Variants in USP49 observed in about 807,000 individuals in gnomAD.
USP49 encodes ubiquitin carboxyl-terminal hydrolase 49.
In USP49, 24 loss-of-function variants were observed where a neutral mutation model predicts 58.6. That is an observed-to-expected ratio of 0.41 (90% CI 0.30 to 0.58). The LOEUF (loss-of-function observed/expected upper bound fraction) is 0.58. Among genes scored for constraint, USP49 ranks in the 20% least tolerant of loss-of-function variants. USP49 has a pLI of 0.30. For missense variants in USP49, 703 were observed against 866.1 expected (o/e 0.81, Z 2.36); for synonymous variants, 408 against 365.1 (o/e 1.12, Z -1.34).
chr6:41,882,165 GGT>G (rs1774619954), intron 2 of USP49, among the ~76,000 whole-genome samples: 1 of 152,028 alleles, frequency 6.6e-6, no homozygotes, highest in Non-Finnish European at 1.5e-5. Context: ...TCTCATCTAG[GGT>G]GTGTCTGGAA....
intron 3 of USP49, among the ~76,000 whole-genome samples, chr6:41,816,066 T>A (rs542534048): frequency 3.3e-5 from 5 of 152,320 alleles, no homozygotes; most frequent in Admixed American, 3.3e-4. Context: ...AAATGCCTTG[T>A]TCCATACCCT....
chr6:41,894,916 C>T (rs1264804943), intron 1 of USP49, among the ~76,000 whole-genome samples: 9 of 151,938 alleles, frequency 5.9e-5, no homozygotes, highest in Non-Finnish European at 1.2e-4. Context: ...CCCTCATCGC[C>T]TCCAAGCCTT....
intron 2 of USP49, among the ~76,000 whole-genome samples, chr6:41,876,796 T>G (rs1192603342): frequency 6.6e-6 from 1 of 152,198 alleles, no homozygotes; most frequent in African/African-American, 2.4e-5. Context: ...AAAATTTACA[T>G]GCATTTACAG....
intron 2 of USP49, among the ~76,000 whole-genome samples, chr6:41,873,919 C>A (rs560865970): frequency 2.0e-5 from 3 of 152,354 alleles, no homozygotes; most frequent in South Asian, 4.1e-4. Flanking sequence ...CCACTTATAT[C>A]ATTTACACTA....
intron 2 of USP49, among the ~76,000 whole-genome samples, chr6:41,880,141 G>GA (rs57885474): frequency 6.1e-5 from 9 of 148,378 alleles, no homozygotes; most frequent in South Asian, 4.2e-4. Context: ...AACATTCACA[G>GA]AAAAAAAAAA....
chr6:41,852,701 T>C (rs1774051906), intron 3 of USP49, among the ~76,000 whole-genome samples: 1 of 152,178 alleles, frequency 6.6e-6, no homozygotes, highest in Non-Finnish European at 1.5e-5. Context: ...CCAGCAGCAA[T>C]TTTCTGAAAT....
chr6:41,794,489 T>G lies in USP49; in HGVS notation c.*2044A>C, dbSNP rs1175047504. On this transcript the variant is annotated 3_prime_UTR_variant, in exon 8 of 8. Transcript: ENST00000682992. ...TTTTTCTAGAATAATAAATATAGGA[T>G]TCAATGAAAGATGAGGCACGATTCA... 1 of 152,212 alleles carries G rather than the reference T, an allele frequency of 6.6e-6. No homozygotes were observed. The highest frequency in any genetic ancestry group is 2.4e-5 in the African/African-American group (1 of 41,466). 9.4% of individuals were successfully genotyped at this position (152,212 alleles called of 1,614,324 possible). A position where few individuals can be genotyped will look rare whatever the true frequency, so the allele number is the denominator to read the frequency against.
chr6:41,807,207 GAC>G (rs1773156422), intron 3 of USP49, among the ~76,000 whole-genome samples, 196 bp from the exon 4 acceptor site: 1 of 152,050 alleles, frequency 6.6e-6, no homozygotes, highest in Non-Finnish European at 1.5e-5. Flanking sequence ...AGAGTTACAG[GAC>G]AGTTAAATTA....
chr6:41,842,035 T>C (rs987617198), intron 3 of USP49, among the ~76,000 whole-genome samples: 3 of 151,894 alleles, frequency 2.0e-5, no homozygotes, highest in Non-Finnish European at 4.4e-5. Flanking sequence ...CCAGCCTGGG[T>C]GACAGAGCAA....
intron 3 of USP49, among the ~76,000 whole-genome samples, chr6:41,815,693 G>A (rs1398161390): frequency 6.6e-6 from 1 of 152,204 alleles, no homozygotes; most frequent in Admixed American, 6.5e-5. Context: ...GACAAAATGT[G>A]TTCTTAGCTC....
chr6:41,856,457 G>A (rs1335007614), intron 3 of USP49, among the ~76,000 whole-genome samples: 1 of 151,568 alleles, frequency 6.6e-6, no homozygotes, highest in East Asian at 1.9e-4. Context: ...TTTTCCCTTT[G>A]CTTTGCATTC....
intron 7 of USP49, chr6:41,798,202 C>T (rs1022003038): frequency 1.2e-5 from 2 of 162,460 alleles, no homozygotes; most frequent in African/African-American, 2.4e-5. Context: ...CATGTCAGTT[C>T]CTTTTAATTC....
At chr6:41,842,237 G>A (rs1005174995) in intron 3 of USP49, among the ~76,000 whole-genome samples, 2 of 151,890 alleles carry the variant, frequency 1.3e-5, no homozygotes, top group South Asian at 2.1e-4. Context: ...GCTGGGTGTG[G>A]TGGCTCACAC....
intron 3 of USP49, among the ~76,000 whole-genome samples, chr6:41,849,611 CTTTTTTTTT>C (rs1286120146): frequency 7.0e-6 from 1 of 143,034 alleles, no homozygotes; most frequent in Non-Finnish European, 1.5e-5. Context: ...TCTTTTCTTT[CTTTTTTTTT>C]TTTTTGGAGA....
chr6:41,865,101 A>G (rs2479722), intron 3 of USP49, among the ~76,000 whole-genome samples: 118,771 of 152,068 alleles, frequency 0.78, 47,141 homozygotes, highest in African/African-American at 0.94. Context: ...CTGGAGTGCA[A>G]TGGTGCAATC....
chr6:41,841,266 T>C (rs942241652), intron 3 of USP49, among the ~76,000 whole-genome samples: 5 of 152,112 alleles, frequency 3.3e-5, no homozygotes, highest in African/African-American at 1.2e-4. Flanking sequence ...ATAATTTGGA[T>C]ATCTATTAGG....
intron 3 of USP49, chr6:41,869,847 C>A (rs1246082624): frequency 1.3e-5 from 2 of 152,064 alleles, no homozygotes; most frequent in South Asian, 4.1e-4. Context: ...GATACTTTTA[C>A]AGGCAAGATG....
intron 3 of USP49, among the ~76,000 whole-genome samples, chr6:41,822,617 G>A (rs139225078): frequency 7.9e-5 from 12 of 152,260 alleles, no homozygotes; most frequent in East Asian, 1.9e-4. Flanking sequence ...GGAGGCCGAC[G>A]TGGGCGGATC....
Position 41,845,220 on chromosome 6 carries a change from T to A in USP49, c.-29+26344A>T, listed in dbSNP as rs546758331. On this transcript the variant is annotated intron_variant, in intron 3 of 7. Transcript: ENST00000682992. ...ACAGGCTTTCTGTTACGTTTTTACA[T>A]GTTTCTCAAATAAATTCCTTTAAAA... Among the ~76,000 whole-genome samples the A allele has an allele frequency of 1.2e-3, 187 of 152,184 alleles. 1 individual carries two copies. Among genetic ancestry groups the A allele is most frequent in the African/African-American group, 4.3e-3 (177 of 41,542 alleles).
Sources: gnomAD v4.1 joint callset for allele counts (sites outside exome capture counted in the v4.1 genomes callset) on GRCh38, gnomAD v4.1.1 for gene constraint, MANE v1.5 for transcripts, NCBI Gene and HGNC (gene_info 2026-07-23, HGNC 2026-07-21) for gene names.